CDIN1: variants seen among roughly 807,000 people sequenced by gnomAD.
CDIN1 encodes CDAN1-interacting nuclease 1.
A neutral mutation model predicts 45.3 loss-of-function variants in CDIN1; 33 were observed. That is an observed-to-expected ratio of 0.73 (90% CI 0.55 to 0.97). CDIN1 has a LOEUF of 0.97. Among genes scored for constraint, CDIN1 ranks in the 50% least tolerant of loss-of-function variants. The pLI, the probability that CDIN1 is intolerant of heterozygous loss-of-function variation, is 0.00. For missense variants in CDIN1, 303 were observed against 339.4 expected, an observed-to-expected ratio of 0.89 and a Z score of 0.84; for synonymous variants, 118 against 124.4, an observed-to-expected ratio of 0.95 and a Z score of 0.34.
intron 10 of CDIN1, among the ~76,000 whole-genome samples, chr15:36,770,740 C>T (rs542260313): frequency 6.6e-6 from 1 of 152,210 alleles, no homozygotes; most frequent in South Asian, 2.1e-4. Flanking sequence ...TGAGCCACCA[C>T]GCCGAGCCTC....
chr15:36,618,906 A>ATT, intron 1 of CDIN1: 1 of 1,287,238 alleles, frequency 7.8e-7, no homozygotes, highest in Non-Finnish European at 1.1e-6. Flanking sequence ...CGTAACATAA[A>ATT]TGTAGCTACA....
intron 5 of CDIN1, among the ~76,000 whole-genome samples, chr15:36,683,129 G>C (rs1158294977): frequency 6.6e-6 from 1 of 152,178 alleles, no homozygotes; most frequent in Non-Finnish European, 1.5e-5. Flanking sequence ...AACATTCTTT[G>C]AGAGAACTAC....
chr15:36,635,102 G>T (rs1014440729), intron 1 of CDIN1, among the ~76,000 whole-genome samples: 4 of 152,110 alleles, frequency 2.6e-5, no homozygotes, highest in Non-Finnish European at 5.9e-5. Flanking sequence ...CCAAGCTTTG[G>T]GGGCAGGGGG....
At chr15:36,636,839 G>A (rs895076909) in intron 1 of CDIN1, among the ~76,000 whole-genome samples, 1 of 152,200 alleles carries the variant, frequency 6.6e-6, no homozygotes, top group African/African-American at 2.4e-5. Context: ...TGAGGAGGCA[G>A]CATGGTTTTC....
At chr15:36,765,976 A>C (rs1305300504) in intron 10 of CDIN1, among the ~76,000 whole-genome samples, 2 of 152,182 alleles carry the variant, frequency 1.3e-5, no homozygotes, top group East Asian at 3.9e-4. Flanking sequence ...CATATTGCTA[A>C]CTATAGGTAC....
intron 5 of CDIN1, among the ~76,000 whole-genome samples, chr15:36,666,528 T>C (rs1039191123): frequency 3.9e-5 from 6 of 152,230 alleles, no homozygotes; most frequent in Non-Finnish European, 7.3e-5. Flanking sequence ...ATTGTGCCTA[T>C]TGTATAGATC....
intron 1 of CDIN1, among the ~76,000 whole-genome samples, chr15:36,630,706 G>A (rs1283250702): frequency 1.3e-5 from 2 of 152,188 alleles, no homozygotes; most frequent in Non-Finnish European, 1.5e-5. Context: ...TCTACAAGCT[G>A]TACAAGAAGC....
intron 5 of CDIN1, chr15:36,691,168 T>C: frequency 1.9e-6 from 1 of 518,766 alleles, no homozygotes; most frequent in South Asian, 1.4e-5. Flanking sequence ...TTGATGAGAA[T>C]TATTTTGGAA....
intron 1 of CDIN1, among the ~76,000 whole-genome samples, chr15:36,597,177 C>T (rs184720608): frequency 2.0e-5 from 3 of 152,188 alleles, no homozygotes; most frequent in Admixed American, 6.5e-5. Flanking sequence ...GTGCCCTATT[C>T]GGTGATTCAC....
intron 1 of CDIN1, among the ~76,000 whole-genome samples, chr15:36,637,832 G>T (rs944429659): frequency 6.6e-6 from 1 of 152,198 alleles, no homozygotes; most frequent in African/African-American, 2.4e-5. Context: ...AGTGCATGCT[G>T]TGTAATCTAC....
intron 3 of CDIN1, among the ~76,000 whole-genome samples, chr15:36,645,868 A>G (rs2040306060): frequency 6.6e-6 from 1 of 152,194 alleles, no homozygotes; most frequent in South Asian, 2.1e-4. Flanking sequence ...AACCTTGGGT[A>G]TTAAATCAAC....
intron 1 of CDIN1, chr15:36,613,506 G>T: frequency 1.9e-6 from 3 of 1,547,192 alleles, no homozygotes; most frequent in Non-Finnish European, 2.6e-6. Flanking sequence ...GCGGTGAAGC[G>T]CAAGATCCAG....
intron 1 of CDIN1, among the ~76,000 whole-genome samples, chr15:36,631,007 A>T (rs566309201): frequency 5.3e-5 from 8 of 152,204 alleles, no homozygotes; most frequent in Non-Finnish European, 1.2e-4. Context: ...AACCTTCAAC[A>T]TGAGATTTGG....
chr15:36,599,944 A>AGT (rs1254054042), intron 1 of CDIN1, among the ~76,000 whole-genome samples: 8 of 152,250 alleles, frequency 5.3e-5, no homozygotes, highest in African/African-American at 1.9e-4. Flanking sequence ...GCTTAGCAAT[A>AGT]GTGCCCTGTC....
chr15:36,604,992 AGAAAG>A (rs940511879), intron 1 of CDIN1, among the ~76,000 whole-genome samples: 4 of 152,362 alleles, frequency 2.6e-5, no homozygotes, highest in South Asian at 2.1e-4. Context: ...TCATTAAAAA[AGAAAG>A]GAAAGACGGA....
intron 10 of CDIN1, chr15:36,746,980 G>A: frequency 2.5e-6 from 1 of 398,150 alleles, no homozygotes; most frequent in Non-Finnish European, 4.4e-6. Context: ...GAACTCCTGG[G>A]CTCAGCGATT....
Position 36,596,090 on chromosome 15 carries a change from T to A in CDIN1, c.101+16129T>A, listed in dbSNP as rs566321837. ...AAAGAGGGAAGACCATGCTGGCAGCTAGGAGAGTTGATTGAAAAGGAAACT... is the reference window on the plus strand; with the variant it reads ...AAAGAGGGAAGACCATGCTGGCAGCAAGGAGAGTTGATTGAAAAGGAAACT... On this transcript the variant is annotated intron_variant, in intron 1 of 10. Transcript: ENST00000566621. 2.6e-5 allele frequency among the ~76,000 whole-genome samples: 4 copies of A among 152,174 alleles called. No homozygotes were observed. In the East Asian group the frequency reaches 7.7e-4, roughly 29 times the overall value.
At position 36,808,420 on chromosome 15, in the gene CDIN1, G is replaced by C. The variant is rs372706927; in HGVS notation, c.813G>C (p.Thr271=). The change falls in exon 11 of 11, where the codon ACG becomes ACC. Residue 271 remains threonine (T), a synonymous_variant. Coordinates refer to ENST00000566621, the MANE Select transcript of CDIN1 (RefSeq NM_001321759.2). The part of the protein sequence containing the change: ...RGILLKACFP[T]NIVTLCHSIA The stretch of plus-strand genomic sequence containing the variant: ...TCCTGCTCAAAGCCTGTTTCCCCAC[G>C]AACATTGTCACCTTATGCCACAGCA... The C allele has an allele frequency of 1.9e-6, 3 of 1,613,456 alleles. No homozygotes were observed. The Admixed American group carries it at 5.0e-5, about 27-fold the overall frequency.
intron 7 of CDIN1, among the ~76,000 whole-genome samples, chr15:36,693,312 T>C (rs973854969): frequency 2.0e-5 from 3 of 152,196 alleles, no homozygotes; most frequent in African/African-American, 7.2e-5. Context: ...GTTTCTCCAG[T>C]CTAGCTTAAA....
Sources: gnomAD v4.1 joint callset for allele counts (sites outside exome capture counted in the v4.1 genomes callset) on GRCh38, gnomAD v4.1.1 for gene constraint, MANE v1.5 for transcripts, NCBI Gene and HGNC (gene_info 2026-07-23, HGNC 2026-07-21) for gene names.